The following ZNF280B variants were observed in gnomAD, a reference collection of about 807,000 sequenced individuals.
ZNF280B encodes the protein zinc finger protein 280B.
In ZNF280B, 16 loss-of-function variants were observed where a neutral mutation model predicts 38.0. The ratio of observed to expected loss-of-function variants is 0.42; its 90% CI spans 0.28 to 0.64. The LOEUF (loss-of-function observed/expected upper bound fraction) is 0.64. ZNF280B is among the 30% of genes least tolerant of loss of function. The pLI is 0.21. For missense variants in ZNF280B, 581 were observed against 639.6 expected (o/e 0.91, Z 0.99); for synonymous variants, 253 against 230.6 (o/e 1.10, Z -0.88).
At chr22:22,495,074 T>C (rs533304309) in intron 2 of ZNF280B, among the ~76,000 whole-genome samples, 1 of 151,868 alleles carries the variant, frequency 6.6e-6, no homozygotes, top group Non-Finnish European at 1.5e-5. Context: ...ACCACACACA[T>C]ACTCTTCTGA....
intron 2 of ZNF280B, among the ~76,000 whole-genome samples, chr22:22,503,418 T>C (rs1332816968): frequency 6.6e-6 from 1 of 151,984 alleles, no homozygotes; most frequent in Non-Finnish European, 1.5e-5. Context: ...AAATGCCTAG[T>C]AACAGGCTGG....
At chr22:22,508,803 G>A (rs1386930962), upstream of ZNF280B, 1 of 151,954 alleles carries the variant, frequency 6.6e-6, no homozygotes, top group Non-Finnish European at 1.5e-5. Flanking sequence ...GTCCAGTGGA[G>A]ACCTGCGATT....
intron 2 of ZNF280B, among the ~76,000 whole-genome samples, chr22:22,502,211 T>C (rs1308859169): frequency 6.6e-6 from 1 of 151,954 alleles, no homozygotes; most frequent in East Asian, 2.0e-4. Flanking sequence ...GAAATGCTGC[T>C]CAATATAGTC....
chr22:22,493,253 T>G (rs2146784208), intron 3 of ZNF280B, among the ~76,000 whole-genome samples: 1 of 152,036 alleles, frequency 6.6e-6, no homozygotes, highest in South Asian at 2.1e-4. Flanking sequence ...ATGGTCTGCC[T>G]GCCTTGGCCT....
At position 22,487,937 on chromosome 22, in the gene ZNF280B, T is replaced by C. The variant is rs2061523844; in HGVS notation, c.1462A>G (p.Lys488Glu). Residue 488 changes from lysine to glutamate, a missense_variant, in exon 4 of 4, where the codon AAG becomes GAG. Lys to Glu is a moderately conservative substitution (Grantham distance 56). Transcript: ENST00000626650. ...GGTAATCCTTCTAGTTGCTTAGGCT[T>C]CTTAAACATTTGATGACACTGGGTC... is the stretch of plus-strand genomic sequence containing the variant. Reference protein sequence around the residue: ...HKTQCHQMFKKPKQLEGLPPE... With the variant: ...HKTQCHQMFKEPKQLEGLPPE... 1 of 1,613,746 alleles carries C rather than the reference T, an allele frequency of 6.2e-7. No individual in the cohort carries two copies. The highest frequency in any genetic ancestry group is 2.2e-5 in the East Asian group (1 of 44,790).
At chr22:22,498,267 A>G (rs1057365367) in intron 2 of ZNF280B, among the ~76,000 whole-genome samples, 4 of 152,016 alleles carry the variant, frequency 2.6e-5, no homozygotes, top group African/African-American at 9.7e-5. Context: ...GAAATGTATC[A>G]GAACTAGATA....
At chr22:22,498,922 C>G (rs979958561) in intron 2 of ZNF280B, among the ~76,000 whole-genome samples, 1 of 150,944 alleles carries the variant, frequency 6.6e-6, no homozygotes, top group Admixed American at 6.6e-5. Context: ...CTCAGCCTCC[C>G]GAGTAGCTGG....
intron 2 of ZNF280B, among the ~76,000 whole-genome samples, chr22:22,500,091 C>G (rs978714699): frequency 6.6e-6 from 1 of 151,898 alleles, no homozygotes; most frequent in African/African-American, 2.4e-5. Context: ...TATTAAAAAA[C>G]AAACATTGTT....
intron 2 of ZNF280B, among the ~76,000 whole-genome samples, chr22:22,506,209 C>T (rs1007797203): frequency 2.6e-5 from 4 of 151,612 alleles, no homozygotes; most frequent in Non-Finnish European, 4.4e-5. Context: ...ATTTAAAACA[C>T]AAGACTGGAT....
At chr22:22,508,175 A>T (rs2061977480) in intron 1 of ZNF280B, among the ~76,000 whole-genome samples, 1 of 151,916 alleles carries the variant, frequency 6.6e-6, no homozygotes, top group Admixed American at 6.6e-5. Context: ...GCAGTAAATG[A>T]GACAAGACGC....
chr22:22,491,230 C>T (rs2061587152), intron 3 of ZNF280B, among the ~76,000 whole-genome samples: 1 of 151,602 alleles, frequency 6.6e-6, no homozygotes, highest in Non-Finnish European at 1.5e-5. Flanking sequence ...TCCATTAATT[C>T]CACATTTTCT....
Position 22,487,714 on chromosome 22 carries a change from G to A in ZNF280B, c.*53C>T, listed in dbSNP as rs1030778275. 4 of 1,469,490 alleles carry A rather than the reference G, an allele frequency of 2.7e-6. No homozygotes were observed. The African/African-American group carries it at 4.3e-5, about 16-fold the overall frequency. The allele number at this position is 1,469,490 out of a possible 1,614,324, so 91.0% of individuals were successfully genotyped here. A position where few individuals can be genotyped will look rare whatever the true frequency, so the allele number is the denominator to read the frequency against. The stretch of plus-strand genomic sequence containing the variant: ...GTATGGTTTGTATTTTTTGTTTTAT[G>A]AGGTTTTTTAATTTGGTTTGAAATA... On this transcript the variant is annotated 3_prime_UTR_variant, in exon 4 of 4. Coordinates refer to ENST00000626650, the MANE Select transcript of ZNF280B (RefSeq NM_080764.4).
chr22:22,488,080 A>C lies in ZNF280B; in HGVS notation c.1319T>G (p.Ile440Ser). 6.2e-7 allele frequency: 1 copy of C among 1,613,860 alleles called. No homozygotes were observed. The highest frequency in any genetic ancestry group is 8.5e-7 in the Non-Finnish European group (1 of 1,179,970). Residue 440 changes from isoleucine (I) to serine (S), a missense_variant, in exon 4 of 4, where the codon ATT becomes AGT. Coordinates refer to ENST00000626650, the MANE Select transcript of ZNF280B (RefSeq NM_080764.4). Reference protein sequence around the residue: ...KNLLCPFCLKIFKTATPYMCH... With the variant: ...KNLLCPFCLKSFKTATPYMCH... ...CATGTATGGTGTTGCTGTTTTGAAA[A>C]TTTTGAGACAAAAGGGACAAAGCAA...
intron 3 of ZNF280B, among the ~76,000 whole-genome samples, chr22:22,492,377 G>C (rs1050299266): frequency 6.6e-6 from 1 of 151,864 alleles, no homozygotes; most frequent in African/African-American, 2.4e-5. Context: ...GCTGGGGGCT[G>C]TCGAGAGCAC....
intron 2 of ZNF280B, among the ~76,000 whole-genome samples, chr22:22,507,222 C>T (rs1418745790): frequency 6.6e-6 from 1 of 151,932 alleles, no homozygotes; most frequent in African/African-American, 2.4e-5. Flanking sequence ...TTCACTGAAA[C>T]CTCATGAGTG....
intron 2 of ZNF280B, among the ~76,000 whole-genome samples, chr22:22,497,207 T>G (rs1179909840): frequency 3.6e-5 from 3 of 84,346 alleles, no homozygotes; most frequent in Non-Finnish European, 6.3e-5. Flanking sequence ...GTCTCCATCT[T>G]TAAAAAAAAA....
chr22:22,505,255 A>G (rs2061911117), intron 2 of ZNF280B, among the ~76,000 whole-genome samples: 1 of 151,976 alleles, frequency 6.6e-6, no homozygotes, highest in African/African-American at 2.4e-5. Flanking sequence ...AGCCAAGATC[A>G]TGTAGGCCAT....
Position 22,487,717 on chromosome 22 carries a change from GT to G in ZNF280B, c.*49del. Reference sequence around the variant, plus strand: ...TGGTTTGTATTTTTTGTTTTATGAGGTTTTTTAATTTGGTTTGAAATACTTG... The same window carrying G: ...TGGTTTGTATTTTTTGTTTTATGAGGTTTTTAATTTGGTTTGAAATACTTG... On this transcript the variant is annotated 3_prime_UTR_variant, in exon 4 of 4. Coordinates refer to ENST00000626650, the MANE Select transcript of ZNF280B (RefSeq NM_080764.4). 6.7e-7 allele frequency: 1 copy of G among 1,490,984 alleles called. No individual in the cohort carries two copies. The highest frequency in any genetic ancestry group is 9.0e-7 in the Non-Finnish European group (1 of 1,115,186). The allele number at this position is 1,490,984 out of a possible 1,614,324, so 92.4% of individuals were successfully genotyped here.
rs771764570 is a variant in ZNF280B at position 22,486,725 on chromosome 22, T to C, written c.*1042A>G. The C allele has an allele frequency of 6.6e-6, 1 of 151,982 alleles. No individual in the cohort carries two copies. The highest frequency in any genetic ancestry group is 2.4e-5 in the African/African-American group (1 of 41,386). The allele number at this position is 151,982 out of a possible 1,614,324, so 9.4% of individuals were successfully genotyped here. ...AACAAAAGCATTTTACTTTGAATGG[T>C]TTGGCTTCCTTGGATGTTTTCAGGT... On this transcript the variant is annotated 3_prime_UTR_variant, in exon 4 of 4. Transcript: ENST00000626650.
Sources: gnomAD v4.1 joint callset for allele counts (sites outside exome capture counted in the v4.1 genomes callset) on GRCh38, gnomAD v4.1.1 for gene constraint, MANE v1.5 for transcripts, NCBI Gene and HGNC (gene_info 2026-07-23, HGNC 2026-07-21) for gene names.